SMAD4: variants seen among roughly 807,000 people sequenced by gnomAD.
The protein encoded by SMAD4 is MAD homolog 4.
In SMAD4, 7 loss-of-function variants were observed where a neutral mutation model predicts 63.2. That is an observed-to-expected ratio of 0.11 (90% CI 0.06 to 0.21). SMAD4 has a LOEUF of 0.21. Ranked by LOEUF, SMAD4 falls within the 10% of genes least tolerant of loss-of-function variation. SMAD4 has a pLI of 1.00. For missense variants in SMAD4, 312 were observed against 693.8 expected (o/e 0.45, Z 6.18); for synonymous variants, 215 against 235.4 (o/e 0.91, Z 0.79).
At chr18:51,073,393 A>ATAT (rs1304764335) in intron 10 of SMAD4, among the ~76,000 whole-genome samples, 1 of 57,616 alleles carries the variant, frequency 1.7e-5, no homozygotes, top group Non-Finnish European at 4.1e-5. Flanking sequence ...ATATATACAC[A>ATAT]CACACACACA....
At chr18:51,065,317 C>A (rs1910117187) in intron 8 of SMAD4, 106 bp from the exon 9 acceptor site, 1 of 893,548 alleles carries the variant, frequency 1.1e-6, no homozygotes, top group Middle Eastern at 3.2e-4. Flanking sequence ...ATTTCCATCT[C>A]CCCTCCCTTT....
rs913128772 is a variant in SMAD4, at chr18:51,079,919, T to G, written c.*1452T>G. The G allele has an allele frequency of 8.6e-6, 2 of 232,426 alleles. No individual in the cohort carries two copies. Among genetic ancestry groups the G allele is most frequent in the African/African-American group, 4.4e-5 (2 of 45,298 alleles). The allele number at this position is 232,426 out of a possible 1,614,324, so 14.4% of individuals were successfully genotyped here. On this transcript the variant is annotated 3_prime_UTR_variant, in exon 12 of 12. Coordinates refer to ENST00000342988, the MANE Select transcript of SMAD4 (RefSeq NM_005359.6). ...GCAGCTTTGTTTTTTTCCCTCACAC[T>G]CTACCGGGACTTCCCCATGGACATT...
At chr18:51,046,857 A>G (rs1045310818) in intron 1 of SMAD4, 63 bp from the exon 2 acceptor site, 1 of 561,374 alleles carries the variant, frequency 1.8e-6, no homozygotes, top group African/African-American at 1.9e-5. Flanking sequence ...TCTTTTCCCA[A>G]GTAGTCAGAT....
intron 1 of SMAD4, among the ~76,000 whole-genome samples, chr18:51,037,996 A>G (rs1251428842): frequency 6.6e-5 from 10 of 152,180 alleles, no homozygotes; most frequent in Non-Finnish European, 1.5e-5. Flanking sequence ...GTGATTAAAA[A>G]AAATATGTTG....
At chr18:51,037,767 A>G (rs976519712) in intron 1 of SMAD4, among the ~76,000 whole-genome samples, 2 of 152,188 alleles carry the variant, frequency 1.3e-5, no homozygotes, top group Non-Finnish European at 2.9e-5. Flanking sequence ...AGGATGACAG[A>G]TAAGCTCAGA....
chr18:51,039,471 G>T (rs1909307117), intron 1 of SMAD4, among the ~76,000 whole-genome samples: 1 of 151,180 alleles, frequency 6.6e-6, no homozygotes, highest in Admixed American at 6.6e-5. Context: ...GAAGCATGAA[G>T]AGGGCCTTCC....
At chr18:51,076,859 G>T (rs1032080167) in intron 11 of SMAD4, 83 bp downstream of exon 11, 1 of 1,116,076 alleles carries the variant, frequency 9.0e-7, no homozygotes, top group Non-Finnish European at 1.3e-6. Flanking sequence ...GTTTCTTTGA[G>T]CAGTAATAGA....
chr18:51,079,994 T>C lies in SMAD4; in HGVS notation c.*1527T>C, dbSNP rs1910571371. The C allele has an allele frequency of 8.8e-6, 2 of 226,394 alleles. No homozygotes were observed. The highest frequency in any genetic ancestry group is 1.3e-4 in the East Asian group (2 of 15,602). 14.0% of individuals were successfully genotyped at this position (226,394 alleles called of 1,614,324 possible). A position where few individuals can be genotyped will look rare whatever the true frequency, so the allele number is the denominator to read the frequency against. On this transcript the variant is annotated 3_prime_UTR_variant, in exon 12 of 12. Coordinates refer to ENST00000342988, the MANE Select transcript of SMAD4 (RefSeq NM_005359.6). Reference sequence around the variant, plus strand: ...TTTTTTTTTTTAATTTTTATTTTACTATAGCAGAAATAGACCTGATTATCT... The same window carrying C: ...TTTTTTTTTTTAATTTTTATTTTACCATAGCAGAAATAGACCTGATTATCT...
At chr18:51,077,027 CTGTT>C in intron 11 of SMAD4, 2 of 312,486 alleles carry the variant, frequency 6.4e-6, no homozygotes, top group South Asian at 8.9e-5. Flanking sequence ...TTATATTATA[CTGTT>C]CTATCTCCTC....
intron 4 of SMAD4, 45 bp downstream of exon 4, chr18:51,049,369 C>T (rs1311926198): frequency 2.0e-6 from 3 of 1,468,992 alleles, no homozygotes; most frequent in East Asian, 2.3e-5. Context: ...TTTGTCCTAT[C>T]CTCTCTGTTT....
At chr18:51,064,230 C>G (rs149096443) in intron 8 of SMAD4, among the ~76,000 whole-genome samples, 3 of 152,262 alleles carry the variant, frequency 2.0e-5, no homozygotes, top group African/African-American at 7.2e-5. Context: ...ACCCTGGGGT[C>G]TTTGCTTTCG....
chr18:51,048,672 G>A lies in SMAD4; in HGVS notation c.250-14G>A, dbSNP rs1180310843. 19 of 1,609,310 alleles carry A rather than the reference G, an allele frequency of 1.2e-5. No homozygotes were observed. The highest frequency in any genetic ancestry group is 1.4e-5 in the Non-Finnish European group (17 of 1,176,638). On this transcript the variant is annotated splice_polypyrimidine_tract_variant and intron_variant, in intron 2 of 11. Transcript: ENST00000342988. The stretch of plus-strand genomic sequence containing the variant: ...TAATGTGACACATGAATAAATGGTC[G>A]TTTATTTTTCTAGGTGGCTGGTCGG...
chr18:51,047,624 T>TC (rs1179579658), intron 2 of SMAD4, among the ~76,000 whole-genome samples: 1 of 151,838 alleles, frequency 6.6e-6, no homozygotes, highest in Non-Finnish European at 1.5e-5. Flanking sequence ...TTTTTTTTTT[T>TC]CCTAGACGGA....
intron 10 of SMAD4, among the ~76,000 whole-genome samples, chr18:51,072,576 T>C (rs1910345322): frequency 6.6e-6 from 1 of 152,198 alleles, no homozygotes; most frequent in African/African-American, 2.4e-5. Flanking sequence ...CTAATGTTAA[T>C]TTAAGATTAT....
In SMAD4 at chr18:51,048,870, CTT is replaced by C. The variant is rs749922210; in HGVS notation, c.424+12_424+13del. The C allele has an allele frequency of 2.5e-5, 40 of 1,606,428 alleles. No homozygotes were observed. The highest frequency in any genetic ancestry group is 3.2e-5 in the Non-Finnish European group (38 of 1,174,460). Reference sequence around the variant, plus strand: ...GTATCACCTGGAATTGGTAAGTAGACTTTGCTTTCATCCTAAGAAACATAAAG... The same window carrying C: ...GTATCACCTGGAATTGGTAAGTAGACTGCTTTCATCCTAAGAAACATAAAG... On this transcript the variant is annotated intron_variant, in intron 3 of 11. Transcript: ENST00000342988.
chr18:51,074,831 T>G (rs963083433), intron 10 of SMAD4, among the ~76,000 whole-genome samples: 1 of 152,204 alleles, frequency 6.6e-6, no homozygotes. Flanking sequence ...GTGGTTTCAC[T>G]TCTGGGTGTT....
rs553654392 is a variant in SMAD4, at chr18:51,066,869, G to A, written c.1140-150G>A. ...TAGATATGAACAGGAAAAGAAAAAA[G>A]GAAATATACAAAAATGTTAATAGCT... On this transcript the variant is annotated intron_variant, in intron 9 of 11. Coordinates refer to ENST00000342988, the MANE Select transcript of SMAD4 (RefSeq NM_005359.6). 9.1e-5 allele frequency: 59 copies of A among 645,094 alleles called. No individual in the cohort carries two copies. The South Asian group carries it at 1.1e-3, about 12-fold the overall frequency. The allele number at this position is 645,094 out of a possible 1,614,324, so 40.0% of individuals were successfully genotyped here.
intron 10 of SMAD4, among the ~76,000 whole-genome samples, chr18:51,067,578 AT>A (rs1464652638): frequency 1.3e-5 from 2 of 151,836 alleles, no homozygotes; most frequent in East Asian, 3.9e-4. Flanking sequence ...GTGCCTGGCA[AT>A]TTTTTGTATT....
chr18:51,030,909 C>A (rs1186648205), intron 1 of SMAD4, among the ~76,000 whole-genome samples: 1 of 152,112 alleles, frequency 6.6e-6, no homozygotes, highest in Non-Finnish European at 1.5e-5. Context: ...GGCCGCCGCT[C>A]CTCTTTGTTG....
Sources: gnomAD v4.1 joint callset for allele counts (sites outside exome capture counted in the v4.1 genomes callset) on GRCh38, gnomAD v4.1.1 for gene constraint, MANE v1.5 for transcripts, NCBI Gene and HGNC (gene_info 2026-07-23, HGNC 2026-07-21) for gene names.